Variants in UVRAG observed in about 807,000 individuals in gnomAD.
UVRAG encodes UV radiation resistance associated, also known as UV radiation resistance-associated gene protein.
UVRAG carries 19 observed loss-of-function variants against 78.0 expected under a neutral mutation model. The ratio of observed to expected loss-of-function variants is 0.24; its 90% confidence interval spans 0.17 to 0.36. The LOEUF is 0.36. Among genes scored for constraint, UVRAG ranks in the 10% least tolerant of loss-of-function variants. UVRAG has a pLI of 1.00. For missense variants in UVRAG, 740 were observed against 853.8 expected, an observed-to-expected ratio of 0.87 and a Z score of 1.66; for synonymous variants, 323 against 324.6, an observed-to-expected ratio of 1.00 and a Z score of 0.05.
chr11:75,960,960 G>GT (rs1565400083), intron 6 of UVRAG, among the ~76,000 whole-genome samples: 1 of 151,900 alleles, frequency 6.6e-6, no homozygotes. Context: ...TCATCTTTTG[G>GT]TTTTTTCTTA....
chr11:75,878,083 A>G (rs1191412769), intron 3 of UVRAG, among the ~76,000 whole-genome samples: 3 of 135,674 alleles, frequency 2.2e-5, no homozygotes. Flanking sequence ...TGCCGGGCGG[A>G]GGGGCTCCTC....
intron 14 of UVRAG, among the ~76,000 whole-genome samples, chr11:76,136,400 A>G (rs997959542): frequency 1.4e-4 from 21 of 152,206 alleles, no homozygotes; most frequent in African/African-American, 4.6e-4. Context: ...CATTCAGTGA[A>G]GCAACCATTT....
chr11:76,123,226 G>C (rs1325058811), intron 14 of UVRAG, among the ~76,000 whole-genome samples: 1 of 152,138 alleles, frequency 6.6e-6, no homozygotes, highest in Non-Finnish European at 1.5e-5. Flanking sequence ...AATCCAGAGC[G>C]CTGGAAAGAT....
intron 6 of UVRAG, among the ~76,000 whole-genome samples, chr11:75,922,238 C>A (rs1190883271): frequency 6.6e-6 from 1 of 151,824 alleles, no homozygotes; most frequent in African/African-American, 2.4e-5. Context: ...GATTGTAGTT[C>A]TCTTTATATG....
At chr11:76,091,568 T>C (rs535481264) in intron 13 of UVRAG, among the ~76,000 whole-genome samples, 18 of 152,280 alleles carry the variant, frequency 1.2e-4, no homozygotes, top group South Asian at 4.1e-4. Context: ...TTTCTATCTC[T>C]TTGTCTTTTT....
intron 5 of UVRAG, among the ~76,000 whole-genome samples, chr11:75,890,920 TTTG>T (rs141077139): frequency 0.14 from 20,437 of 150,994 alleles, 3,033 homozygotes; most frequent in African/African-American, 0.37. Flanking sequence ...AAGAAAGGGT[TTTG>T]TTGTTGTTGT....
chr11:75,888,822 C>T lies in UVRAG; in HGVS notation c.433-7C>T, dbSNP rs113799713. The stretch of plus-strand genomic sequence containing the variant: ...ATAACAAATACTGTATTTTCCTCCT[C>T]TCTTAGATTCATGCCCGAAACCAAA... On this transcript the variant is annotated splice_polypyrimidine_tract_variant and splice_region_variant and intron_variant, in intron 4 of 14. Coordinates refer to ENST00000356136, the MANE Select transcript of UVRAG (RefSeq NM_003369.4). 2 of 1,611,404 alleles carry T rather than the reference C, an allele frequency of 1.2e-6. No homozygotes were observed. The highest frequency in any genetic ancestry group is 1.1e-5 in the South Asian group (1 of 90,748).
intron 14 of UVRAG, among the ~76,000 whole-genome samples, chr11:76,122,865 T>A (rs2134481004): frequency 6.6e-6 from 1 of 152,304 alleles, no homozygotes; most frequent in South Asian, 2.1e-4. Context: ...TAGTTAGAAG[T>A]TACGAATAAT....
At chr11:75,992,025 A>T (rs1370461294) in intron 8 of UVRAG, among the ~76,000 whole-genome samples, 1 of 152,170 alleles carries the variant, frequency 6.6e-6, no homozygotes, top group African/African-American at 2.4e-5. Context: ...AGTCCTATAC[A>T]TTAAAGATAC....
chr11:75,828,350 G>T (rs1034629319), intron 1 of UVRAG, among the ~76,000 whole-genome samples: 1 of 150,642 alleles, frequency 6.6e-6, no homozygotes, highest in Non-Finnish European at 1.5e-5. Flanking sequence ...CTATGCACCT[G>T]TAATCCTAGC....
At chr11:76,055,053 C>A (rs979079906) in intron 12 of UVRAG, among the ~76,000 whole-genome samples, 49 of 151,936 alleles carry the variant, frequency 3.2e-4, no homozygotes, top group African/African-American at 1.1e-3. Flanking sequence ...TTAAATTTTC[C>A]ACCTATAGGA....
intron 5 of UVRAG, among the ~76,000 whole-genome samples, chr11:75,910,671 G>A (rs112375717): frequency 0.032 from 4,835 of 151,948 alleles, 261 homozygotes; most frequent in African/African-American, 0.11. Context: ...ATTGCAATAG[G>A]GAAAGAGTAA....
At chr11:76,029,032 T>C (rs1043511824) in intron 12 of UVRAG, among the ~76,000 whole-genome samples, 1 of 152,194 alleles carries the variant, frequency 6.6e-6, no homozygotes, top group African/African-American at 2.4e-5. Context: ...TAGGGGCTAA[T>C]ACAGCTGCTA....
At chr11:75,818,208 G>GT (rs1420443077) in intron 1 of UVRAG, among the ~76,000 whole-genome samples, 2 of 151,980 alleles carry the variant, frequency 1.3e-5, no homozygotes, top group Non-Finnish European at 2.9e-5. Context: ...TAAAAGATCA[G>GT]TTTTTGCCTG....
intron 5 of UVRAG, among the ~76,000 whole-genome samples, chr11:75,910,025 T>C (rs1331168291): frequency 6.6e-6 from 1 of 152,092 alleles, no homozygotes; most frequent in East Asian, 1.9e-4. Flanking sequence ...GGACAGGATT[T>C]GTGTGTGTGT....
intron 2 of UVRAG, among the ~76,000 whole-genome samples, chr11:75,855,557 G>T (rs1168618201): frequency 6.6e-6 from 1 of 152,150 alleles, no homozygotes; most frequent in Non-Finnish European, 1.5e-5. Context: ...AGTTAGTGCT[G>T]TCGTATCTTG....
intron 3 of UVRAG, among the ~76,000 whole-genome samples, chr11:75,873,643 C>T (rs1448039981): frequency 2.6e-5 from 4 of 152,124 alleles, no homozygotes; most frequent in East Asian, 3.9e-4. Context: ...ATTCAAAGGT[C>T]CCTTTTATTG....
intron 8 of UVRAG, among the ~76,000 whole-genome samples, chr11:75,993,989 A>C (rs1445190796): frequency 1.3e-5 from 2 of 152,182 alleles, no homozygotes; most frequent in African/African-American, 4.8e-5. Context: ...ACTATCACCA[A>C]GGGGATGGCA....
At chr11:75,916,022 G>GT (rs1947844366) in intron 6 of UVRAG, 1 of 152,104 alleles carries the variant, frequency 6.6e-6, no homozygotes, top group South Asian at 2.1e-4. Flanking sequence ...TTTTTTGGTT[G>GT]TTTTTTCTTT....
Sources: gnomAD v4.1 joint callset for allele counts (sites outside exome capture counted in the v4.1 genomes callset) on GRCh38, gnomAD v4.1.1 for gene constraint, MANE v1.5 for transcripts, NCBI Gene and HGNC (gene_info 2026-07-23, HGNC 2026-07-21) for gene names.